Variants in TLN2 observed in about 807,000 individuals in gnomAD.
The protein encoded by TLN2 is talin-2.
In TLN2, 118 loss-of-function variants were observed where a neutral mutation model predicts 294.7. That is an observed-to-expected ratio of 0.40 (90% confidence interval 0.34 to 0.47). The LOEUF (loss-of-function observed/expected upper bound fraction) is 0.47, where lower values mean the gene tolerates loss of function less well. Ranked by LOEUF, TLN2 falls within the 20% of genes least tolerant of loss-of-function variation. TLN2 has a pLI of 0.84. For missense variants in TLN2, 3,083 were observed against 3,282.2 expected, an observed-to-expected ratio of 0.94 and a Z score of 1.48; for synonymous variants, 1,431 against 1,304.5, an observed-to-expected ratio of 1.10 and a Z score of -2.09.
At chr15:62,801,483 C>T (rs2065922895) in intron 50 of TLN2, among the ~76,000 whole-genome samples, 1 of 152,154 alleles carries the variant, frequency 6.6e-6, no homozygotes, top group African/African-American at 2.4e-5. Flanking sequence ...ACAGATTCAA[C>T]TTTTTTGGGA....
At chr15:62,494,749 G>C (rs1315916445) in intron 1 of TLN2, among the ~76,000 whole-genome samples, 1 of 151,970 alleles carries the variant, frequency 6.6e-6, no homozygotes, top group Non-Finnish European at 1.5e-5. Context: ...ACATTTATTT[G>C]AGAAGACATT....
chr15:62,805,676 T>A lies in TLN2; in HGVS notation c.6554T>A (p.Met2185Lys). 1.2e-6 allele frequency: 2 copies of A among 1,614,148 alleles called. No individual in the cohort carries two copies. Among genetic ancestry groups the A allele is most frequent in the Non-Finnish European group, 1.7e-6 (2 of 1,180,014 alleles). ...ESIRMTKGITMATAKAVAAGN... is the reference protein window; with the variant it reads ...ESIRMTKGITKATAKAVAAGN... ...ATAAGGATGACGAAAGGCATCACCA[T>A]GGCAACAGCCAAAGCCGTGGCAGCT... The change falls in exon 51 of 59, where the codon ATG becomes AAG. Residue 2185 changes from methionine to lysine, a missense_variant. Transcript: ENST00000636159.
At chr15:62,742,620 G>A (rs560299146) in intron 32 of TLN2, among the ~76,000 whole-genome samples, 4 of 151,992 alleles carry the variant, frequency 2.6e-5, no homozygotes, top group African/African-American at 9.7e-5. Flanking sequence ...AAAGGACATG[G>A]GGAAAAGGGG....
chr15:62,436,530 T>C (rs951669590), intron 1 of TLN2, among the ~76,000 whole-genome samples: 20 of 152,098 alleles, frequency 1.3e-4, no homozygotes, highest in African/African-American at 4.3e-4. Context: ...GCTTTCCCTA[T>C]TGAGAAAGCT....
At chr15:62,796,025 C>G in intron 46 of TLN2, 102 bp from the exon 47 acceptor site, 1 of 1,437,788 alleles carries the variant, frequency 7.0e-7, no homozygotes, top group South Asian at 1.4e-5. Context: ...AACCTCTAAG[C>G]TACATCAACT....
At chr15:62,814,635 A>T (rs2141186794) in intron 52 of TLN2, among the ~76,000 whole-genome samples, 1 of 152,350 alleles carries the variant, frequency 6.6e-6, no homozygotes, top group Admixed American at 6.5e-5. Flanking sequence ...CAGTCTTTGA[A>T]GAGTATTTTC....
chr15:62,727,163 C>G lies in TLN2; in HGVS notation c.3332C>G (p.Ala1111Gly), dbSNP rs1188588698. 7.4e-6 allele frequency: 12 copies of G among 1,614,096 alleles called. No individual in the cohort carries two copies. The highest frequency in any genetic ancestry group is 2.7e-5 in the African/African-American group (2 of 74,934). Residue 1111 changes from alanine to glycine, a missense_variant, in exon 28 of 59, where the codon GCT (alanine) becomes GGT (glycine). Physicochemically the swap from Ala to Gly is moderately conservative, Grantham distance 60 (BLOSUM62 0). Transcript: ENST00000636159. ...TCCATGGCACAGCTGCTGACCTGTG[C>G]TGCTCAAGGCAACGAACACTACACA... is the stretch of plus-strand genomic sequence containing the variant. The part of the protein sequence containing the change: ...GSSMAQLLTC[A>G]AQGNEHYTGV...
At chr15:62,464,256 A>G (rs1042810489) in intron 1 of TLN2, among the ~76,000 whole-genome samples, 1 of 152,252 alleles carries the variant, frequency 6.6e-6, no homozygotes, top group Non-Finnish European at 1.5e-5. Flanking sequence ...AAAAAGGATG[A>G]GTTCATGTCC....
intron 1 of TLN2, among the ~76,000 whole-genome samples, chr15:62,428,577 GTTGA>G (rs1215110103): frequency 6.6e-6 from 1 of 152,220 alleles, no homozygotes; most frequent in African/African-American, 2.4e-5. Flanking sequence ...TCTGGAGTGG[GTTGA>G]TTAAGTTTTG....
chr15:62,631,580 CTCTCTCT>C, intron 3 of TLN2, among the ~76,000 whole-genome samples: 1 of 92,382 alleles, frequency 1.1e-5, no homozygotes, highest in Non-Finnish European at 2.3e-5. Flanking sequence ...TCCTTTCTTT[CTCTCTCT>C]TCTTTCACTC....
Position 62,736,874 on chromosome 15 carries a change from C to T in TLN2, c.3359-4C>T. The T allele has an allele frequency of 6.2e-7, 1 of 1,612,664 alleles. No homozygotes were observed. Among genetic ancestry groups the T allele is most frequent in the Non-Finnish European group, 8.5e-7 (1 of 1,179,130 alleles). On this transcript the variant is annotated splice_polypyrimidine_tract_variant and splice_region_variant and intron_variant, in intron 28 of 58. Coordinates refer to ENST00000636159, the MANE Select transcript of TLN2 (RefSeq NM_015059.3). The stretch of plus-strand genomic sequence containing the variant: ...TTGGAAATCTGATGGACTTTTTCCC[C>T]CAGGGGTGGCTGCTAGAGAGACGGC...
intron 50 of TLN2, among the ~76,000 whole-genome samples, chr15:62,801,352 G>A (rs763414784): frequency 6.6e-6 from 1 of 152,196 alleles, no homozygotes; most frequent in African/African-American, 2.4e-5. Flanking sequence ...CAATGTGGAT[G>A]ATATCTGCTG....
At chr15:62,840,018 G>C (rs899848825) in intron 58 of TLN2, among the ~76,000 whole-genome samples, 1 of 152,154 alleles carries the variant, frequency 6.6e-6, no homozygotes, top group African/African-American at 2.4e-5. Flanking sequence ...GCATTTGAGG[G>C]CCATCTGGTG....
intron 1 of TLN2, among the ~76,000 whole-genome samples, chr15:62,406,901 AC>A (rs1432682143): frequency 4.6e-5 from 7 of 152,210 alleles, no homozygotes; most frequent in South Asian, 2.1e-4. Context: ...CTCTGTAAAG[AC>A]CCTATCTCCA....
At chr15:62,462,617 T>C (rs544275857) in intron 1 of TLN2, among the ~76,000 whole-genome samples, 2 of 152,258 alleles carry the variant, frequency 1.3e-5, no homozygotes, top group Admixed American at 6.5e-5. Flanking sequence ...GGGACCCCTG[T>C]TTTTAGGAGA....
intron 19 of TLN2, 31 bp downstream of exon 19, chr15:62,702,895 A>G (rs752955743): frequency 1.9e-6 from 3 of 1,596,726 alleles, no homozygotes; most frequent in South Asian, 2.2e-5. Flanking sequence ...TAGTCATGGA[A>G]AGAAGTCTAA....
In TLN2 at chr15:62,425,521, T is replaced by G. The variant is rs141380601; in HGVS notation, c.-238+34836T>G. Among the ~76,000 whole-genome samples the G allele has an allele frequency of 7.4e-4, 113 of 152,218 alleles. 1 individual carries two copies. The highest frequency in any genetic ancestry group is 2.6e-3 in the African/African-American group (108 of 41,534). On this transcript the variant is annotated intron_variant, in intron 1 of 58. Transcript: ENST00000636159. ...TCTTAGCATCACGGAGCTGCGTGGA[T>G]TTTTATAGAGGAGGGTTAGATGTTA...
intron 15 of TLN2, 46 bp from the exon 16 acceptor site, chr15:62,698,708 G>A (rs531795385): frequency 3.9e-6 from 6 of 1,519,974 alleles, no homozygotes; most frequent in South Asian, 2.2e-5. Flanking sequence ...GGCCATGTCG[G>A]TCCCAGGCGT....
chr15:62,747,070 T>C (rs1170661565), intron 32 of TLN2, among the ~76,000 whole-genome samples: 1 of 152,126 alleles, frequency 6.6e-6, no homozygotes, highest in African/African-American at 2.4e-5. Context: ...GGGGCTTACC[T>C]ATGCAAAAAA....
Sources: allele counts gnomAD v4.1 joint callset (sites outside exome capture counted in the v4.1 genomes callset), GRCh38; gene constraint gnomAD v4.1.1; transcripts MANE v1.5; gene names NCBI Gene and HGNC (gene_info 2026-07-23, HGNC 2026-07-21).